Variants in FOXK2 observed in about 807,000 individuals in gnomAD.
FOXK2 encodes the protein forkhead box protein K2.
A neutral mutation model predicts 53.3 loss-of-function variants in FOXK2; 24 were observed. That is an observed-to-expected ratio of 0.45 (90% CI 0.33 to 0.63). FOXK2 has a LOEUF of 0.63. Ranked by LOEUF, FOXK2 falls within the 30% of genes least tolerant of loss-of-function variation. The pLI, the probability that FOXK2 is intolerant of heterozygous loss-of-function variation, is 0.03. For missense variants in FOXK2, 952 were observed against 910.5 expected (o/e 1.05, Z -0.59); for synonymous variants, 505 against 407.1 (o/e 1.24, Z -2.89).
intron 5 of FOXK2, 110 bp downstream of exon 5, chr17:82,583,044 T>C: frequency 1.3e-6 from 1 of 776,378 alleles, no homozygotes; most frequent in Non-Finnish European, 1.9e-6. Context: ...TGCATTATGA[T>C]TAAATGTTGG....
At chr17:82,587,685 C>A in intron 8 of FOXK2, 1 of 284,144 alleles carries the variant, frequency 3.5e-6, no homozygotes, top group Non-Finnish European at 6.9e-6. Flanking sequence ...CTCTCAGAGT[C>A]CGTCCGAGGC....
At chr17:82,545,866 G>C (rs2044619574) in intron 1 of FOXK2, among the ~76,000 whole-genome samples, 1 of 151,698 alleles carries the variant, frequency 6.6e-6, no homozygotes, top group South Asian at 2.1e-4. Flanking sequence ...ACAGGCGTGA[G>C]CCACCGCGCT....
At chr17:82,600,197 A>C (rs1261237380) in intron 8 of FOXK2, 1 of 152,278 alleles carries the variant, frequency 6.6e-6, no homozygotes, top group African/African-American at 2.4e-5. Flanking sequence ...CACAAGGAGG[A>C]CTGGCCTGTG....
intron 1 of FOXK2, among the ~76,000 whole-genome samples, chr17:82,522,173 A>T (rs2044369972): frequency 6.7e-6 from 1 of 148,926 alleles, no homozygotes; most frequent in Non-Finnish European, 1.5e-5. Context: ...CCTAGCCTGG[A>T]GTGTACTGGT....
chr17:82,526,895 A>C (rs2044424213), intron 1 of FOXK2, among the ~76,000 whole-genome samples: 1 of 152,018 alleles, frequency 6.6e-6, no homozygotes, highest in Admixed American at 6.6e-5. Context: ...AGTAGACAGC[A>C]GACGATGTCT....
At chr17:82,549,387 A>AT (rs1567970515) in intron 1 of FOXK2, among the ~76,000 whole-genome samples, 1 of 151,396 alleles carries the variant, frequency 6.6e-6, no homozygotes, top group Non-Finnish European at 1.5e-5. Context: ...CAAATGGGAG[A>AT]GGGGGGCCAA....
intron 1 of FOXK2, among the ~76,000 whole-genome samples, chr17:82,560,512 C>T (rs770806311): frequency 1.7e-4 from 26 of 152,156 alleles, no homozygotes; most frequent in South Asian, 1.2e-3. Context: ...TCCACCCTGG[C>T]GCTGTGGTGC....
chr17:82,571,829 A>G lies in FOXK2; in HGVS notation c.868A>G (p.Lys290Glu). 6.3e-7 allele frequency: 1 copy of G among 1,599,742 alleles called. No individual in the cohort carries two copies. Among genetic ancestry groups the G allele is most frequent in the African/African-American group, 1.4e-5 (1 of 73,880 alleles). The change falls in exon 4 of 9, where the codon AAA becomes GAA. Residue 290 changes from lysine (K) to glutamate (E), a missense_variant. Physicochemically the swap from Lys to Glu is moderately conservative, Grantham distance 56 (BLOSUM62 1). Coordinates refer to ENST00000335255, the MANE Select transcript of FOXK2 (RefSeq NM_004514.4). ...GAACGGGATTTATACACACATCACT[A>G]AAAATTATCCCTACTACAGGACTGC... ...TLNGIYTHIT[K>E]NYPYYRTADK...
Position 82,563,340 on chromosome 17 carries a change from C to T in FOXK2, c.420-14C>T. 6.2e-7 allele frequency: 1 copy of T among 1,608,474 alleles called. No homozygotes were observed. The highest frequency in any genetic ancestry group is 8.5e-7 in the Non-Finnish European group (1 of 1,176,724). On this transcript the variant is annotated splice_polypyrimidine_tract_variant and intron_variant, in intron 1 of 8. Transcript: ENST00000335255. ...AACAGCAAAAGGTGCTGATGGTGGG[C>T]TTTTCTTTTCCAGGTGCACATTCAG...
intron 2 of FOXK2, among the ~76,000 whole-genome samples, chr17:82,566,254 AT>A (rs752835854): frequency 6.4e-4 from 97 of 152,044 alleles, no homozygotes; most frequent in Non-Finnish European, 1.2e-3. Flanking sequence ...AAAAAAAAAA[AT>A]AGGCCCCCTG....
chr17:82,551,946 C>T (rs1245233911), intron 1 of FOXK2, among the ~76,000 whole-genome samples: 1 of 152,246 alleles, frequency 6.6e-6, no homozygotes, highest in African/African-American at 2.4e-5. Flanking sequence ...CTTTCTGGGG[C>T]AGGTCCTTGG....
Position 82,570,179 on chromosome 17 carries a change from G to A in FOXK2, c.763-1545G>A, listed in dbSNP as rs1381521763. On this transcript the variant is annotated intron_variant, in intron 3 of 8. Coordinates refer to ENST00000335255, the MANE Select transcript of FOXK2 (RefSeq NM_004514.4). ...GGAGCTTGCAGTGAGCCGAAATCGCGCCACTGCACTCCAGCCTGAGTGACA... is the reference window on the plus strand; with the variant it reads ...GGAGCTTGCAGTGAGCCGAAATCGCACCACTGCACTCCAGCCTGAGTGACA... Among the ~76,000 whole-genome samples, 7 of 150,944 alleles carry A rather than the reference G, an allele frequency of 4.6e-5. No individual in the cohort carries two copies. The South Asian group carries it at 6.3e-4, about 14-fold the overall frequency.
intron 5 of FOXK2, among the ~76,000 whole-genome samples, chr17:82,583,472 G>A (rs745445631): frequency 1.3e-5 from 2 of 152,326 alleles, no homozygotes; most frequent in East Asian, 1.9e-4. Flanking sequence ...GCTTGAACCC[G>A]GAAAGGCAGA....
chr17:82,593,917 G>C (rs2045282021), intron 8 of FOXK2: 1 of 152,354 alleles, frequency 6.6e-6, no homozygotes, highest in African/African-American at 2.4e-5. Flanking sequence ...TGGATTGACA[G>C]CCCCAGAGCA....
chr17:82,532,985 C>A (rs2044486560), intron 1 of FOXK2, among the ~76,000 whole-genome samples: 1 of 152,082 alleles, frequency 6.6e-6, no homozygotes. Context: ...ACTAGCCTAG[C>A]CCTACATAGG....
At chr17:82,535,489 C>G (rs151264267) in intron 1 of FOXK2, among the ~76,000 whole-genome samples, 1 of 152,268 alleles carries the variant, frequency 6.6e-6, no homozygotes, top group South Asian at 2.1e-4. Flanking sequence ...AGGCTCTGCT[C>G]GTCTTCTTTG....
At chr17:82,595,482 T>C (rs1254851006) in intron 8 of FOXK2, among the ~76,000 whole-genome samples, 1 of 152,084 alleles carries the variant, frequency 6.6e-6, no homozygotes, top group Non-Finnish European at 1.5e-5. Context: ...TTTTTTTCTT[T>C]TGTAGAGATG....
At chr17:82,527,126 A>G (rs1378842856) in intron 1 of FOXK2, among the ~76,000 whole-genome samples, 1 of 152,106 alleles carries the variant, frequency 6.6e-6, no homozygotes, top group Non-Finnish European at 1.5e-5. Flanking sequence ...TGGCATAAAT[A>G]AAGGGATGTT....
At chr17:82,577,203 T>G (rs1353527922) in intron 4 of FOXK2, 1 of 1,075,230 alleles carries the variant, frequency 9.3e-7, no homozygotes, top group East Asian at 2.4e-5. Context: ...TCATTAAAAA[T>G]AGGTGTGTAG....
Sources: allele counts gnomAD v4.1 joint callset (sites outside exome capture counted in the v4.1 genomes callset), GRCh38; gene constraint gnomAD v4.1.1; transcripts MANE v1.5; gene names NCBI Gene and HGNC (gene_info 2026-07-23, HGNC 2026-07-21).